The following STPG2 variants were observed in gnomAD, a reference collection of about 807,000 sequenced individuals.
STPG2 encodes sperm tail PG-rich repeat containing 2.
A neutral mutation model predicts 54.2 loss-of-function variants in STPG2; 56 were observed. The observed-to-expected ratio is 1.03, with a 90% confidence interval of 0.83 to 1.29. STPG2 has a LOEUF of 1.29. Among genes scored for constraint, STPG2 ranks in the 50% most tolerant of loss-of-function variants. The probability of loss-of-function intolerance (pLI) is 0.00; values close to 1 mark genes in which losing one functional copy is unlikely to be tolerated. For missense variants in STPG2, 596 were observed against 544.9 expected, an observed-to-expected ratio of 1.09 and a Z score of -0.93; for synonymous variants, 200 against 181.8, an observed-to-expected ratio of 1.10 and a Z score of -0.81.
At chr4:97,687,794 A>G (rs1297658391) in intron 10 of STPG2, among the ~76,000 whole-genome samples, 1 of 152,150 alleles carries the variant, frequency 6.6e-6, no homozygotes, top group African/African-American at 2.4e-5. Flanking sequence ...TATATATAAC[A>G]TAAAAGGAAA....
At chr4:97,893,208 T>C (rs1730835934) in intron 8 of STPG2, 1 of 151,946 alleles carries the variant, frequency 6.6e-6, no homozygotes, top group Non-Finnish European at 1.5e-5. Context: ...AAAGAGAGAA[T>C]TCTTCTGGGA....
intron 9 of STPG2, among the ~76,000 whole-genome samples, chr4:97,744,142 T>G (rs1037245986): frequency 1.3e-5 from 2 of 151,524 alleles, no homozygotes; most frequent in African/African-American, 2.4e-5. Context: ...TTAAATCACA[T>G]CTTTCCACAT....
intron 10 of STPG2, among the ~76,000 whole-genome samples, chr4:97,614,507 A>C (rs1199208561): frequency 6.6e-6 from 1 of 152,108 alleles, no homozygotes; most frequent in Admixed American, 6.6e-5. Context: ...CTCTCATATT[A>C]CACAGATGTT....
chr4:98,138,811 A>G (rs781062230), intron 1 of STPG2, among the ~76,000 whole-genome samples: 33 of 152,098 alleles, frequency 2.2e-4, no homozygotes, highest in Non-Finnish European at 4.4e-4. Context: ...CCCACCAAAA[A>G]AGAAATCTGG....
chr4:97,871,480 G>C (rs1729988544), intron 8 of STPG2, among the ~76,000 whole-genome samples: 1 of 150,798 alleles, frequency 6.6e-6, no homozygotes. Context: ...AATAATTATT[G>C]AATCAGAAGA....
At chr4:97,931,256 T>A (rs947743780) in intron 8 of STPG2, among the ~76,000 whole-genome samples, 23 of 152,248 alleles carry the variant, frequency 1.5e-4, no homozygotes, top group Non-Finnish European at 1.8e-4. Flanking sequence ...TTCCTTGTCT[T>A]GTGACAGTTT....
chr4:97,576,280 GA>G lies in STPG2; in HGVS notation c.1321-17164del, dbSNP rs139140769. Among the ~76,000 whole-genome samples, 309 of 123,788 alleles carry G rather than the reference GA, an allele frequency of 2.5e-3. 1 individual carries two copies. The highest frequency in any genetic ancestry group is 0.01 in the East Asian group (43 of 4,096). The allele number at this position is 123,788 out of a possible 152,430, so 81.2% of individuals were successfully genotyped here. Reference sequence around the variant, plus strand: ...AAAACTATACTAATATATATGGAATGAAAAAAAAAAAAAGCCCCAATAGCCA... The same window carrying G: ...AAAACTATACTAATATATATGGAATGAAAAAAAAAAAAGCCCCAATAGCCA... On this transcript the variant is annotated intron_variant, in intron 10 of 10. Coordinates refer to ENST00000295268, the MANE Select transcript of STPG2 (RefSeq NM_174952.3).
chr4:98,109,298 GA>G lies in STPG2; in HGVS notation c.394del (p.Ser132ProfsTer5), dbSNP rs974986742. On this transcript the variant is annotated frameshift_variant, in exon 4 of 11. Coordinates refer to ENST00000295268, the MANE Select transcript of STPG2 (RefSeq NM_174952.3). LOFTEE classifies it high-confidence loss of function. ...ACCTTTGTATTTCAAAGTTGCATTG[GA>G]AACATCCTAAAAAATAAAAAGTTTT... ...PAYYKPQFDV[S>X]NATLKYKGIH... 5.0e-6 allele frequency: 8 copies of G among 1,596,858 alleles called. No homozygotes were observed. Among genetic ancestry groups the G allele is most frequent in the Non-Finnish European group, 6.8e-6 (8 of 1,173,042 alleles).
At chr4:97,764,171 T>C (rs895557991) in intron 9 of STPG2, among the ~76,000 whole-genome samples, 1 of 149,510 alleles carries the variant, frequency 6.7e-6, no homozygotes, top group South Asian at 2.1e-4. Context: ...CACACACACA[T>C]AGGCACATGC....
chr4:97,611,009 T>C (rs1456708733), intron 10 of STPG2, among the ~76,000 whole-genome samples: 5 of 152,094 alleles, frequency 3.3e-5, no homozygotes, highest in African/African-American at 1.2e-4. Context: ...TTTTAAAATT[T>C]GAATTAAAAT....
intron 10 of STPG2, among the ~76,000 whole-genome samples, chr4:97,664,324 G>C (rs1722459106): frequency 6.6e-6 from 1 of 152,172 alleles, no homozygotes; most frequent in South Asian, 2.1e-4. Context: ...TGATTCCAAA[G>C]CTCATGCTCT....
chr4:97,736,262 C>A (rs1162272924), intron 9 of STPG2, among the ~76,000 whole-genome samples: 1 of 152,232 alleles, frequency 6.6e-6, no homozygotes, highest in Non-Finnish European at 1.5e-5. Context: ...CTCCAGTCTA[C>A]AGCTACCAGT....
chr4:97,927,655 C>G (rs941472907), intron 8 of STPG2, among the ~76,000 whole-genome samples: 1 of 151,652 alleles, frequency 6.6e-6, no homozygotes, highest in Non-Finnish European at 1.5e-5. Flanking sequence ...TTTAGTCAAC[C>G]CTAATTTTTC....
At chr4:98,100,300 C>T (rs1738988077) in intron 5 of STPG2, among the ~76,000 whole-genome samples, 1 of 152,064 alleles carries the variant, frequency 6.6e-6, no homozygotes, top group Non-Finnish European at 1.5e-5. Flanking sequence ...GATATTTGTC[C>T]TCTAAGAACT....
intron 4 of STPG2, among the ~76,000 whole-genome samples, chr4:97,461,614 T>C (rs1729665987): frequency 6.6e-6 from 1 of 152,204 alleles, no homozygotes; most frequent in Admixed American, 6.5e-5. Context: ...AAGAATTCTG[T>C]TGTTTATAAC....
intron 5 of STPG2, among the ~76,000 whole-genome samples, chr4:98,036,182 T>C (rs921113805): frequency 6.6e-6 from 1 of 151,910 alleles, no homozygotes; most frequent in Non-Finnish European, 1.5e-5. Flanking sequence ...GTTTTCGAGA[T>C]AAAGGAACAC....
At chr4:97,974,246 T>G (rs1375397538) in intron 6 of STPG2, among the ~76,000 whole-genome samples, 1 of 152,162 alleles carries the variant, frequency 6.6e-6, no homozygotes, top group Non-Finnish European at 1.5e-5. Context: ...TTTCTCCCAC[T>G]TGGAATGGGT....
At chr4:97,968,862 A>C (rs1022012126) in intron 7 of STPG2, among the ~76,000 whole-genome samples, 1 of 152,206 alleles carries the variant, frequency 6.6e-6, no homozygotes, top group Non-Finnish European at 1.5e-5. Context: ...GGGCTGCCAG[A>C]ATGAGCCAAC....
chr4:97,559,161 AC>A, intron 10 of STPG2, 44 bp from the exon 11 acceptor site: 1 of 1,266,812 alleles, frequency 7.9e-7, no homozygotes. Flanking sequence ...ACATCTACTT[AC>A]AAAAAGAAAA....
Sources: gnomAD v4.1 joint callset for allele counts (sites outside exome capture counted in the v4.1 genomes callset) on GRCh38, gnomAD v4.1.1 for gene constraint, MANE v1.5 for transcripts, NCBI Gene and HGNC (gene_info 2026-07-23, HGNC 2026-07-21) for gene names.